Variants in LMF1 observed in about 807,000 individuals in gnomAD.
The protein encoded by LMF1 is transmembrane protein 112.
In LMF1, 68 loss-of-function variants were observed where a neutral mutation model predicts 60.6. That is an observed-to-expected ratio of 1.12 (90% confidence interval 0.92 to 1.37). LMF1 has a LOEUF of 1.37. LMF1 is among the 40% of genes most tolerant of loss of function. The pLI is 0.00. For synonymous variants in LMF1, 418 were observed against 324.7 expected (o/e 1.29, Z -3.09); for missense variants, 948 against 767.2 (o/e 1.24, Z -2.78).
In LMF1 at chr16:954,027, C is replaced by T. The variant is rs867520351; in HGVS notation, c.503+330G>A. ...CCTACACGTCCACACAGACACCCAC[C>T]CCAAACCAGCCTCCTACACGTCCAC... On this transcript the variant is annotated intron_variant, in intron 2 of 10. Transcript: ENST00000262301. Among the ~76,000 whole-genome samples, 442 of 123,338 alleles carry T rather than the reference C, an allele frequency of 3.6e-3. 65 individuals carry two copies. Among genetic ancestry groups the T allele is most frequent in the South Asian group, 0.01 (40 of 3,866 alleles). The allele number at this position is 123,338 out of a possible 152,430, so 80.9% of individuals were successfully genotyped here. A position where few individuals can be genotyped will look rare whatever the true frequency, so the allele number is the denominator to read the frequency against.
At chr16:954,146 G>A (rs1051717159) in intron 2 of LMF1, 1 of 687,876 alleles carries the variant, frequency 1.5e-6, no homozygotes, top group South Asian at 1.5e-5. Context: ...AAGAGCTACT[G>A]CAAAGAGGTG....
chr16:941,197 G>C lies in LMF1; in HGVS notation c.504-6943C>G, dbSNP rs545907544. Among the ~76,000 whole-genome samples, 29 of 151,236 alleles carry C rather than the reference G, an allele frequency of 1.9e-4. No homozygotes were observed. In the South Asian group the frequency reaches 6.0e-3, roughly 32 times the overall value. ...CCTTTATATTTAAAGCATAGCTCTT[G>C]AAAACTGCATATACTTGATACCTGA... is the stretch of plus-strand genomic sequence containing the variant. On this transcript the variant is annotated intron_variant, in intron 2 of 10. Coordinates refer to ENST00000262301, the MANE Select transcript of LMF1 (RefSeq NM_022773.4).
chr16:974,803 G>A (rs555296372), upstream of LMF1, among the ~76,000 whole-genome samples: 1 of 152,362 alleles, frequency 6.6e-6, no homozygotes, highest in Non-Finnish European at 1.5e-5. Context: ...CGGGGCCATT[G>A]TCCCTGGCAT....
intron 5 of LMF1, among the ~76,000 whole-genome samples, chr16:880,866 G>A (rs2070143633): frequency 1.3e-5 from 2 of 152,396 alleles, no homozygotes; most frequent in African/African-American, 4.8e-5. Flanking sequence ...CTAGATGGAC[G>A]ATGCTGCACG....
chr16:978,637 A>G (rs965179358), intron 1 of LMF1, among the ~76,000 whole-genome samples: 7 of 152,062 alleles, frequency 4.6e-5, no homozygotes, highest in Non-Finnish European at 1.0e-4. Context: ...CTTGAAACGT[A>G]CACTCCCCCT....
Position 870,716 on chromosome 16 carries a change from C to A in LMF1, c.1232+13G>T, listed in dbSNP as rs535746762. ...ATACCCAGCTCCGGGGGACGGGGAC[C>A]CCAGGCTCATACCTTCCGAAGGCCC... On this transcript the variant is annotated intron_variant, in intron 8 of 10. Transcript: ENST00000262301. 1.2e-6 allele frequency: 2 copies of A among 1,612,346 alleles called. No homozygotes were observed. Among genetic ancestry groups the A allele is most frequent in the East Asian group, 4.5e-5 (2 of 44,878 alleles).
chr16:913,331 T>C (rs535502610), intron 3 of LMF1, among the ~76,000 whole-genome samples: 48 of 152,328 alleles, frequency 3.2e-4, no homozygotes, highest in African/African-American at 1.1e-3. Context: ...GAACATTCAC[T>C]TCCACGGCCG....
chr16:955,470 T>TCC lies in LMF1; in HGVS notation c.194-805_194-804insGG, dbSNP rs1567318163. ...GCCTGCAGCAGACGCGGTGTGTGCA[T>TCC]ACACACACACACACATCTAAGTAAA... On this transcript the variant is annotated intron_variant, in intron 1 of 10. Transcript: ENST00000262301. Among the ~76,000 whole-genome samples the TCC allele has an allele frequency of 3.0e-3, 161 of 53,418 alleles. 16 individuals are homozygous for TCC. The highest frequency in any genetic ancestry group is 7.9e-3 in the African/African-American group (55 of 6,976). 35.0% of individuals were successfully genotyped at this position (53,418 alleles called of 152,430 possible). A position where few individuals can be genotyped will look rare whatever the true frequency, so the allele number is the denominator to read the frequency against.
intron 2 of LMF1, chr16:947,698 A>C: frequency 2.5e-6 from 1 of 406,812 alleles, no homozygotes; most frequent in Non-Finnish European, 4.9e-6. Flanking sequence ...TGCCGTGCTG[A>C]AGAGCAGCAA....
intron 1 of LMF1, among the ~76,000 whole-genome samples, chr16:977,393 C>T (rs1247116261): frequency 1.3e-5 from 2 of 152,164 alleles, no homozygotes; most frequent in African/African-American, 2.4e-5. Context: ...CGTCCGGGGG[C>T]GGGGCCTTTC....
chr16:908,131 T>C (rs1262249971), intron 4 of LMF1, among the ~76,000 whole-genome samples: 1 of 152,182 alleles, frequency 6.6e-6, no homozygotes, highest in African/African-American at 2.4e-5. Flanking sequence ...CATCTGTGCA[T>C]ATTCAAGCCA....
intron 3 of LMF1, among the ~76,000 whole-genome samples, chr16:918,033 G>A (rs902179820): frequency 6.6e-6 from 1 of 152,262 alleles, no homozygotes; most frequent in Admixed American, 6.5e-5. Context: ...TCGGGACGTG[G>A]CGCGGGGCGG....
chr16:950,936 G>C (rs1255899278), intron 2 of LMF1, among the ~76,000 whole-genome samples: 1 of 150,356 alleles, frequency 6.7e-6, no homozygotes, highest in Non-Finnish European at 1.5e-5. Context: ...GACAGAGTCA[G>C]CCAATGACAG....
chr16:947,343 G>A (rs764742917), intron 2 of LMF1: 71 of 392,946 alleles, frequency 1.8e-4, no homozygotes, highest in Non-Finnish European at 3.1e-4. Flanking sequence ...CCCAGTTGGG[G>A]CTACGCAGAG....
intron 10 of LMF1, among the ~76,000 whole-genome samples, chr16:860,870 C>T (rs1157218413): frequency 2.0e-5 from 3 of 152,198 alleles, no homozygotes; most frequent in East Asian, 1.9e-4. Flanking sequence ...ACTGTGTTGA[C>T]TACTGTAGTT....
At chr16:880,833 A>G (rs1229552140) in intron 5 of LMF1, among the ~76,000 whole-genome samples, 2 of 152,230 alleles carry the variant, frequency 1.3e-5, no homozygotes, top group East Asian at 3.9e-4. Flanking sequence ...CGGTGAGCCC[A>G]GGGTGGTGGT....
chr16:866,375 C>T (rs1567146659), intron 10 of LMF1, among the ~76,000 whole-genome samples: 1 of 152,182 alleles, frequency 6.6e-6, no homozygotes, highest in Non-Finnish European at 1.5e-5. Flanking sequence ...CTGCACTAGG[C>T]CTCCATGACA....
intron 3 of LMF1, among the ~76,000 whole-genome samples, chr16:932,437 C>T (rs1046551992): frequency 6.6e-6 from 1 of 152,230 alleles, no homozygotes; most frequent in Non-Finnish European, 1.5e-5. Context: ...TGGGCTCTTG[C>T]CTCACGGACT....
At chr16:957,427 G>A (rs984255047) in intron 1 of LMF1, among the ~76,000 whole-genome samples, 1 of 151,988 alleles carries the variant, frequency 6.6e-6, no homozygotes, top group Non-Finnish European at 1.5e-5. Flanking sequence ...ACAAAACACT[G>A]ATTAAAAAAA....
Sources: allele counts gnomAD v4.1 joint callset (sites outside exome capture counted in the v4.1 genomes callset), GRCh38; gene constraint gnomAD v4.1.1; transcripts MANE v1.5; gene names NCBI Gene and HGNC (gene_info 2026-07-23, HGNC 2026-07-21).